The following FHIT variants were observed in gnomAD, a reference collection of about 807,000 sequenced individuals.
FHIT encodes fragile histidine triad diadenosine triphosphatase.
In FHIT, 19 loss-of-function variants were observed where a neutral mutation model predicts 17.9. The observed-to-expected ratio is 1.06, with a 90% confidence interval of 0.74 to 1.56. FHIT has a LOEUF of 1.56. Among genes scored for constraint, FHIT ranks in the 40% most tolerant of loss-of-function variants. The pLI, the probability that FHIT is intolerant of heterozygous loss-of-function variation, is 0.00. For missense variants in FHIT, 248 were observed against 189.2 expected, an observed-to-expected ratio of 1.31 and a Z score of -1.82; for synonymous variants, 81 against 69.7, an observed-to-expected ratio of 1.16 and a Z score of -0.81.
rs569215546 is a variant in FHIT, at chr3:61,207,106, T to C, written c.-212-6441A>G. Reference sequence around the variant, plus strand: ...TGGTTTTTGTCTTTGGTTCTGTTTATATGCTGGATTACGTTAATTGATTTG... The same window carrying C: ...TGGTTTTTGTCTTTGGTTCTGTTTACATGCTGGATTACGTTAATTGATTTG... On this transcript the variant is annotated intron_variant, in intron 1 of 9. Transcript: ENST00000492590. 2.0e-5 allele frequency among the ~76,000 whole-genome samples: 3 copies of C among 152,364 alleles called. No individual in the cohort carries two copies. The East Asian group carries it at 5.8e-4, about 29-fold the overall frequency.
At chr3:60,325,004 A>G (rs1044634328) in intron 5 of FHIT, among the ~76,000 whole-genome samples, 2 of 152,322 alleles carry the variant, frequency 1.3e-5, no homozygotes, top group East Asian at 3.9e-4. Flanking sequence ...GGTCACACAA[A>G]GGTGACTGTT....
At chr3:60,223,405 A>G (rs894658851) in intron 5 of FHIT, among the ~76,000 whole-genome samples, 2 of 152,212 alleles carry the variant, frequency 1.3e-5, no homozygotes, top group Non-Finnish European at 2.9e-5. Flanking sequence ...GCTGAATCAT[A>G]CATCATCTTT....
intron 3 of FHIT, among the ~76,000 whole-genome samples, chr3:60,921,917 G>A (rs1553768480): frequency 6.6e-6 from 1 of 152,152 alleles, no homozygotes; most frequent in East Asian, 1.9e-4. Flanking sequence ...ATTTAATAAT[G>A]TAGTCGGCCA....
intron 3 of FHIT, among the ~76,000 whole-genome samples, chr3:60,929,434 AGAT>A (rs1304685591): frequency 2.6e-5 from 4 of 152,224 alleles, no homozygotes; most frequent in Non-Finnish European, 4.4e-5. Context: ...CCCTGTTCGC[AGAT>A]GACATGATTG....
intron 1 of FHIT, among the ~76,000 whole-genome samples, chr3:61,218,516 G>A (rs1323674247): frequency 2.6e-5 from 4 of 152,090 alleles, no homozygotes; most frequent in African/African-American, 9.7e-5. Context: ...GGCAACTAAA[G>A]GACAAAGGGC....
At chr3:60,251,097 AC>A (rs1416027107) in intron 5 of FHIT, among the ~76,000 whole-genome samples, 2 of 152,208 alleles carry the variant, frequency 1.3e-5, no homozygotes, top group Non-Finnish European at 2.9e-5. Flanking sequence ...ATGAAGACAT[AC>A]CTTTTGAGCT....
chr3:61,021,585 C>T (rs1196484641), intron 3 of FHIT, among the ~76,000 whole-genome samples: 3 of 107,298 alleles, frequency 2.8e-5, no homozygotes, highest in Admixed American at 1.3e-4. Context: ...GGCGACAGAG[C>T]GAGACTCCGT....
chr3:60,741,651 C>T (rs1310644159), intron 4 of FHIT, among the ~76,000 whole-genome samples: 1 of 152,202 alleles, frequency 6.6e-6, no homozygotes, highest in Non-Finnish European at 1.5e-5. Flanking sequence ...GTGACTTTTG[C>T]CTGTGGTCAC....
intron 5 of FHIT, among the ~76,000 whole-genome samples, chr3:60,352,599 T>G (rs994821492): frequency 3.3e-5 from 5 of 152,138 alleles, no homozygotes; most frequent in African/African-American, 1.2e-4. Flanking sequence ...ACTCCTAGGT[T>G]CATGTGATCC....
rs371696204 is a variant in FHIT, at chr3:60,222,372, TG to T, written c.104-208221del. 5.9e-5 allele frequency among the ~76,000 whole-genome samples: 9 copies of T among 152,332 alleles called. No individual in the cohort carries two copies. The East Asian group carries it at 1.2e-3, about 20-fold the overall frequency. ...TCAGTCATTCACCTGCTCTCTGGTATGGTTTCTGCCACTTCTGTGTATTACA... is the reference window on the plus strand; with the variant it reads ...TCAGTCATTCACCTGCTCTCTGGTATGTTTCTGCCACTTCTGTGTATTACA... On this transcript the variant is annotated intron_variant, in intron 5 of 9. Coordinates refer to ENST00000492590, the MANE Select transcript of FHIT (RefSeq NM_002012.4).
intron 5 of FHIT, among the ~76,000 whole-genome samples, chr3:60,341,216 A>T (rs1370325118): frequency 5.3e-5 from 8 of 152,314 alleles, no homozygotes; most frequent in African/African-American, 1.9e-4. Flanking sequence ...AGCTGGATAT[A>T]TCCACACAGC....
chr3:61,013,334 T>C (rs913121870), intron 3 of FHIT, among the ~76,000 whole-genome samples: 5 of 152,224 alleles, frequency 3.3e-5, no homozygotes, highest in African/African-American at 1.2e-4. Flanking sequence ...GATCACTGAA[T>C]TGTGGATATG....
intron 5 of FHIT, among the ~76,000 whole-genome samples, chr3:60,036,895 G>A (rs1410548108): frequency 6.6e-6 from 1 of 152,156 alleles, no homozygotes; most frequent in Non-Finnish European, 1.5e-5. Flanking sequence ...GTTTAATACA[G>A]TCACCATCAT....
intron 8 of FHIT, among the ~76,000 whole-genome samples, chr3:59,908,292 T>C (rs1322477728): frequency 6.6e-6 from 1 of 152,200 alleles, no homozygotes; most frequent in African/African-American, 2.4e-5. Flanking sequence ...AATGAAGGAC[T>C]ATAGCAGCAA....
At chr3:60,441,730 T>TTATATATATATTTATATATATAAA (rs2030835370) in intron 5 of FHIT, among the ~76,000 whole-genome samples, 1 of 88,662 alleles carries the variant, frequency 1.1e-5, no homozygotes, top group Non-Finnish European at 2.1e-5. Context: ...ATATTTGTAT[T>TTATATATATATTTATATATATAAA]TATATATATA....
intron 8 of FHIT, among the ~76,000 whole-genome samples, chr3:59,912,625 A>G (rs1295584914): frequency 1.3e-5 from 2 of 152,212 alleles, no homozygotes; most frequent in Non-Finnish European, 2.9e-5. Flanking sequence ...TATAGATTTG[A>G]CCTAACTGTG....
At chr3:61,202,524 A>G (rs530942010) in intron 1 of FHIT, among the ~76,000 whole-genome samples, 76 of 151,538 alleles carry the variant, frequency 5.0e-4, no homozygotes, top group African/African-American at 1.6e-3. Context: ...AAAAAAAAAG[A>G]GAGAGAGAAA....
At chr3:59,978,327 T>C (rs1708502896) in intron 7 of FHIT, among the ~76,000 whole-genome samples, 2 of 152,062 alleles carry the variant, frequency 1.3e-5, no homozygotes, top group Admixed American at 1.3e-4. Flanking sequence ...TACATGCCAA[T>C]TACAACCTTA....
At chr3:60,356,403 A>G (rs898011812) in intron 5 of FHIT, among the ~76,000 whole-genome samples, 1 of 152,184 alleles carries the variant, frequency 6.6e-6, no homozygotes, top group African/African-American at 2.4e-5. Flanking sequence ...TCTTCAGACA[A>G]TGTAGGAGAA....
Sources: allele counts gnomAD v4.1 joint callset (sites outside exome capture counted in the v4.1 genomes callset), GRCh38; gene constraint gnomAD v4.1.1; transcripts MANE v1.5; gene names NCBI Gene and HGNC (gene_info 2026-07-23, HGNC 2026-07-21).